Variants in ZMYM2 observed in about 807,000 individuals in gnomAD.
ZMYM2 encodes the protein zinc finger MYM-type containing 2.
Under a neutral mutation model 162.8 loss-of-function variants are expected in ZMYM2, and 56 were observed. The ratio of observed to expected loss-of-function variants is 0.34; its 90% CI spans 0.28 to 0.43. The LOEUF is 0.43. ZMYM2 is among the 20% of genes least tolerant of loss of function. The pLI is 1.00. For missense variants in ZMYM2, 1,275 were observed against 1,621.8 expected, an observed-to-expected ratio of 0.79 and a Z score of 3.67; for synonymous variants, 510 against 541.6, an observed-to-expected ratio of 0.94 and a Z score of 0.81.
At chr13:19,900,380 A>G in the ZMYM2 span, among the ~76,000 whole-genome samples, 3 of 152,202 alleles carry the variant, frequency 2.0e-5, no homozygotes, top group Non-Finnish European at 4.4e-5. Flanking sequence ...TTAACCTACC[A>G]AGAATGAATC....
intron 2 of ZMYM2, among the ~76,000 whole-genome samples, chr13:19,963,948 A>C (rs965150606): frequency 3.9e-5 from 6 of 152,212 alleles, no homozygotes; most frequent in African/African-American, 4.8e-5. Flanking sequence ...GTCCATTGAA[A>C]ATTAGAAGTA....
chr13:19,885,983 A>ATATACACATATATGTGTG, the ZMYM2 span, among the ~76,000 whole-genome samples: 2 of 52,698 alleles, frequency 3.8e-5, 1 homozygote, highest in Non-Finnish European at 1.0e-4. Context: ...ATATATATGT[A>ATATACACATATATGTGTG]TATACACATA....
At chr13:19,965,662 A>G (rs1955687440) in intron 2 of ZMYM2, among the ~76,000 whole-genome samples, 1 of 151,922 alleles carries the variant, frequency 6.6e-6, no homozygotes, top group Admixed American at 6.6e-5. Context: ...GTTAAATGAA[A>G]ATTTTATTTT....
rs1472402433 is a variant in ZMYM2 at position 19,970,597 on chromosome 13, A to G, written c.-11+10571A>G. On this transcript the variant is annotated intron_variant, in intron 2 of 24. Coordinates refer to ENST00000610343, the MANE Select transcript of ZMYM2 (RefSeq NM_197968.4). ...GTCAGGGAGGAGTGAAAAAACCCCA[A>G]ACCAAAAAAAAAAAAAAAAAAAAAA... Among the ~76,000 whole-genome samples the G allele has an allele frequency of 1.7e-4, 21 of 121,552 alleles. No homozygotes were observed. The East Asian group carries it at 5.3e-3, about 31-fold the overall frequency. The allele number at this position is 121,552 out of a possible 152,430, so 79.7% of individuals were successfully genotyped here. A position where few individuals can be genotyped will look rare whatever the true frequency, so the allele number is the denominator to read the frequency against.
intron 2 of ZMYM2, among the ~76,000 whole-genome samples, chr13:19,977,447 C>T (rs1279273035): frequency 6.6e-6 from 1 of 151,140 alleles, no homozygotes; most frequent in Non-Finnish European, 1.5e-5. Flanking sequence ...GGATTTACCT[C>T]TGCCATTTTG....
intron 2 of ZMYM2, among the ~76,000 whole-genome samples, chr13:19,960,993 C>A (rs888643624): frequency 2.0e-5 from 3 of 152,150 alleles, no homozygotes; most frequent in African/African-American, 7.2e-5. Flanking sequence ...TAGTAACTTA[C>A]ATTAAATATA....
intron 12 of ZMYM2, among the ~76,000 whole-genome samples, chr13:20,050,878 T>C (rs922512114): frequency 6.6e-6 from 1 of 152,114 alleles, no homozygotes; most frequent in Non-Finnish European, 1.5e-5. Flanking sequence ...ATTTAAACAT[T>C]GAGTGTTTTA....
intron 2 of ZMYM2, among the ~76,000 whole-genome samples, chr13:19,991,891 A>G (rs1204654221): frequency 2.0e-5 from 3 of 152,106 alleles, no homozygotes; most frequent in Non-Finnish European, 4.4e-5. Context: ...CAGCCTCCCA[A>G]TGGTCACACT....
chr13:20,006,587 G>T lies in ZMYM2; in HGVS notation c.1512+1G>T, dbSNP rs770555082. The T allele has an allele frequency of 6.2e-7, 1 of 1,613,420 alleles. No individual in the cohort carries two copies. Among genetic ancestry groups the T allele is most frequent in the African/African-American group, 1.3e-5 (1 of 75,052 alleles). Reference sequence around the variant, plus strand: ...AAGTTGTGTCAGTGAATACAAACAGGTAATTCATGTTCTAATCAAAATTGG... The same window carrying T: ...AAGTTGTGTCAGTGAATACAAACAGTTAATTCATGTTCTAATCAAAATTGG... On this transcript the variant is annotated splice_donor_variant, in intron 6 of 24. Transcript: ENST00000610343. LOFTEE classifies it high-confidence loss of function.
chr13:19,985,984 G>A (rs1949101457), intron 2 of ZMYM2, among the ~76,000 whole-genome samples: 1 of 152,042 alleles, frequency 6.6e-6, no homozygotes, highest in Admixed American at 6.6e-5. Context: ...TTGGGAGTTC[G>A]AGACCAGGTC....
At chr13:19,974,415 C>G (rs1167467128) in intron 2 of ZMYM2, among the ~76,000 whole-genome samples, 1 of 151,438 alleles carries the variant, frequency 6.6e-6, no homozygotes, top group Non-Finnish European at 1.5e-5. Context: ...TTAATTTTAT[C>G]CATTGTGTGT....
At chr13:20,032,709 A>G (rs1953306719) in intron 10 of ZMYM2, among the ~76,000 whole-genome samples, 1 of 147,180 alleles carries the variant, frequency 6.8e-6, no homozygotes, top group Non-Finnish European at 1.5e-5. Context: ...CCCAGGTTCA[A>G]GCGATTCTCC....
chr13:19,878,627 T>A, the ZMYM2 span, among the ~76,000 whole-genome samples: 20 of 151,450 alleles, frequency 1.3e-4, no homozygotes, highest in African/African-American at 4.8e-4. Context: ...GTTCAAGTGA[T>A]TCTCCTGCCT....
At chr13:19,973,364 A>G (rs771823508) in intron 2 of ZMYM2, among the ~76,000 whole-genome samples, 3 of 152,272 alleles carry the variant, frequency 2.0e-5, no homozygotes, top group Non-Finnish European at 4.4e-5. Context: ...TTAATGAAGG[A>G]AACTATAAAA....
At position 19,982,933 on chromosome 13, in the gene ZMYM2, TA is replaced by T. The variant is rs534052082; in HGVS notation, c.-10-10123del. ...TTCCTTGTAGGTTTGTCGTTTTTTT[TA>T]AAAAAACCCTTACTGTAGGTTTAGT... On this transcript the variant is annotated intron_variant, in intron 2 of 24. Transcript: ENST00000610343. Among the ~76,000 whole-genome samples, 797 of 152,204 alleles carry T rather than the reference TA, an allele frequency of 5.2e-3. 5 individuals are homozygous for T. Among genetic ancestry groups the T allele is most frequent in the Non-Finnish European group, 8.3e-3 (565 of 67,990 alleles).
intron 12 of ZMYM2, among the ~76,000 whole-genome samples, chr13:20,043,792 C>G (rs565124643): frequency 3.3e-5 from 5 of 152,050 alleles, no homozygotes; most frequent in Non-Finnish European, 5.9e-5. Flanking sequence ...CAAGCAAAAC[C>G]TGCCTGCACA....
chr13:19,887,113 TG>T, the ZMYM2 span, among the ~76,000 whole-genome samples: 5 of 151,614 alleles, frequency 3.3e-5, no homozygotes, highest in African/African-American at 1.2e-4. Context: ...ACTTAAAGAG[TG>T]GTGGCTTGTT....
intron 12 of ZMYM2, among the ~76,000 whole-genome samples, chr13:20,037,989 T>C (rs939562922): frequency 2.0e-5 from 3 of 152,170 alleles, no homozygotes; most frequent in Admixed American, 1.3e-4. Flanking sequence ...GTTGTTCCCC[T>C]GTATGTGTTT....
chr13:20,046,421 G>T (rs1332505452), intron 12 of ZMYM2, among the ~76,000 whole-genome samples: 1 of 151,682 alleles, frequency 6.6e-6, no homozygotes, highest in African/African-American at 2.4e-5. Context: ...AGGCATGGTG[G>T]TGCATGCCTG....
Sources: allele counts gnomAD v4.1 joint callset (sites outside exome capture counted in the v4.1 genomes callset), GRCh38; gene constraint gnomAD v4.1.1; transcripts MANE v1.5; gene names NCBI Gene and HGNC (gene_info 2026-07-23, HGNC 2026-07-21).